The following SKAP1 variants were observed in gnomAD, a reference collection of about 807,000 sequenced individuals.
SKAP1 encodes src kinase-associated phosphoprotein 1.
A neutral mutation model predicts 58.5 loss-of-function variants in SKAP1; 44 were observed. The observed-to-expected ratio is 0.75, with a 90% CI of 0.59 to 0.97. SKAP1 has a LOEUF of 0.97. SKAP1 is among the 50% of genes least tolerant of loss of function. The probability of loss-of-function intolerance (pLI) is 0.00; values close to 1 mark genes in which losing one functional copy is unlikely to be tolerated. For missense variants in SKAP1, 390 were observed against 435.2 expected (o/e 0.90, Z 0.92); for synonymous variants, 127 against 149.7 (o/e 0.85, Z 1.11).
At position 48,182,548 on chromosome 17, in the gene SKAP1, T is replaced by A. The variant is rs150259631; in HGVS notation, c.568-91A>T. 409 of 862,196 alleles carry A rather than the reference T, an allele frequency of 4.7e-4. No homozygotes were observed. In the African/African-American group the frequency reaches 6.0e-3, roughly 13 times the overall value. 53.4% of individuals were successfully genotyped at this position (862,196 alleles called of 1,614,324 possible). A position where few individuals can be genotyped will look rare whatever the true frequency, so the allele number is the denominator to read the frequency against. On this transcript the variant is annotated intron_variant, in intron 7 of 12. Coordinates refer to ENST00000336915, the MANE Select transcript of SKAP1 (RefSeq NM_003726.4). ...GTCCAAGGGGGAGGAACCACTGAGT[T>A]TCAGAGTCAAGTTTAAAGCTCAGGA... is the stretch of plus-strand genomic sequence containing the variant.
chr17:48,164,496 A>G (rs1261094743), intron 10 of SKAP1, among the ~76,000 whole-genome samples: 1 of 152,172 alleles, frequency 6.6e-6, no homozygotes, highest in Non-Finnish European at 1.5e-5. Flanking sequence ...TGGTGTATAC[A>G]TAAAAAGTGA....
At chr17:48,170,779 C>A in intron 9 of SKAP1, 120 bp from the exon 10 acceptor site, 1 of 817,446 alleles carries the variant, frequency 1.2e-6, no homozygotes, top group South Asian at 1.7e-5. Context: ...GAACGATTTT[C>A]GGTTCACTGC....
At chr17:48,182,284 G>C (rs1156410634) in intron 8 of SKAP1, 110 bp downstream of exon 8, 12 of 732,072 alleles carry the variant, frequency 1.6e-5, no homozygotes, top group East Asian at 2.6e-5. Context: ...GAAAGGTAGA[G>C]GTGAGAAAGG....
intron 1 of SKAP1, among the ~76,000 whole-genome samples, chr17:48,406,538 G>C (rs1267056438): frequency 6.7e-6 from 1 of 149,206 alleles, no homozygotes; most frequent in African/African-American, 2.5e-5. Context: ...CAAGTAGCCG[G>C]GACTAAAGGC....
At chr17:48,405,232 T>C (rs2067554783) in intron 1 of SKAP1, among the ~76,000 whole-genome samples, 1 of 152,118 alleles carries the variant, frequency 6.6e-6, no homozygotes. Context: ...ATTTAAAAAG[T>C]ACTAAAAAGA....
At chr17:48,222,511 G>A (rs1306085230) in intron 4 of SKAP1, among the ~76,000 whole-genome samples, 1 of 151,714 alleles carries the variant, frequency 6.6e-6, no homozygotes, top group Non-Finnish European at 1.5e-5. Context: ...ATGGAGTGTT[G>A]CTCTGTCACC....
chr17:48,265,856 CCT>C (rs1424240635), intron 4 of SKAP1, among the ~76,000 whole-genome samples: 1 of 152,118 alleles, frequency 6.6e-6, no homozygotes, highest in African/African-American at 2.4e-5. Context: ...AAATGCCTCC[CCT>C]GTTAGAATCT....
the SKAP1 span, among the ~76,000 whole-genome samples, chr17:48,442,436 G>T: frequency 1.3e-5 from 2 of 152,100 alleles, no homozygotes; most frequent in Non-Finnish European, 1.5e-5. Flanking sequence ...GAAAATCAGG[G>T]ATATGATTAT....
At chr17:48,442,509 A>G in the SKAP1 span, among the ~76,000 whole-genome samples, 1 of 152,110 alleles carries the variant, frequency 6.6e-6, no homozygotes, top group Non-Finnish European at 1.5e-5. Context: ...ACTTGGTGTT[A>G]CATTTTTGGA....
In SKAP1 at chr17:48,168,398, T is replaced by G. The variant is rs572086768; in HGVS notation, c.877+2211A>C. On this transcript the variant is annotated intron_variant, in intron 10 of 12. Coordinates refer to ENST00000336915, the MANE Select transcript of SKAP1 (RefSeq NM_003726.4). ...AAGGCTGGGCGTGGTGGCTCATGCC[T>G]GTAATCCCAGCACTTTGGGAGGCCA... 4.6e-5 allele frequency among the ~76,000 whole-genome samples: 7 copies of G among 152,352 alleles called. No homozygotes were observed. In the East Asian group the frequency reaches 1.2e-3, roughly 25 times the overall value.
At chr17:48,254,929 G>C (rs2065406625) in intron 4 of SKAP1, among the ~76,000 whole-genome samples, 1 of 151,940 alleles carries the variant, frequency 6.6e-6, no homozygotes. Context: ...CTTATAGCTT[G>C]GGCTTTTGTT....
intron 4 of SKAP1, among the ~76,000 whole-genome samples, chr17:48,297,670 A>G (rs1250701645): frequency 6.6e-6 from 1 of 152,206 alleles, no homozygotes; most frequent in Non-Finnish European, 1.5e-5. Flanking sequence ...TGAGAAACTA[A>G]AGTCAAAACC....
chr17:48,361,297 C>T (rs1054960932), intron 3 of SKAP1, among the ~76,000 whole-genome samples: 3 of 151,664 alleles, frequency 2.0e-5, no homozygotes, highest in Admixed American at 6.6e-5. Context: ...CCTCCGTCTC[C>T]CAGGTTCAAG....
chr17:48,348,342 A>C (rs76860911), intron 3 of SKAP1, among the ~76,000 whole-genome samples: 1 of 146,846 alleles, frequency 6.8e-6, no homozygotes. Flanking sequence ...CCCTGCCTCA[A>C]AAAAAAAAAA....
intron 4 of SKAP1, among the ~76,000 whole-genome samples, chr17:48,262,420 A>T (rs576991171): frequency 6.6e-6 from 1 of 152,282 alleles, no homozygotes; most frequent in East Asian, 1.9e-4. Flanking sequence ...TTGGGGGGGA[A>T]GTTTAATAAA....
At chr17:48,358,065 T>G (rs2066898746) in intron 3 of SKAP1, among the ~76,000 whole-genome samples, 1 of 152,208 alleles carries the variant, frequency 6.6e-6, no homozygotes, top group Admixed American at 6.5e-5. Context: ...GTTGAGATAG[T>G]CTAGGTTCAA....
chr17:48,385,904 T>G (rs998181671), intron 2 of SKAP1, among the ~76,000 whole-genome samples: 1 of 152,096 alleles, frequency 6.6e-6, no homozygotes, highest in Non-Finnish European at 1.5e-5. Context: ...CAAAGCTGAA[T>G]AGGGATGCTG....
At chr17:48,147,222 T>C (rs1253641116) in intron 11 of SKAP1, among the ~76,000 whole-genome samples, 1 of 152,204 alleles carries the variant, frequency 6.6e-6, no homozygotes, top group Non-Finnish European at 1.5e-5. Context: ...GAAAGATTAG[T>C]AAATGCTTGA....
At chr17:48,416,985 T>C (rs2067739251) in intron 1 of SKAP1, among the ~76,000 whole-genome samples, 1 of 152,210 alleles carries the variant, frequency 6.6e-6, no homozygotes, top group African/African-American at 2.4e-5. Context: ...TGGGGAAAAA[T>C]GACTTTCAGT....
Sources: allele counts gnomAD v4.1 joint callset (sites outside exome capture counted in the v4.1 genomes callset), GRCh38; gene constraint gnomAD v4.1.1; transcripts MANE v1.5; gene names NCBI Gene and HGNC (gene_info 2026-07-23, HGNC 2026-07-21).